MYBPC1: variants seen among roughly 807,000 people sequenced by gnomAD.
The protein encoded by MYBPC1 is myosin-binding protein C, slow-type.
A neutral mutation model predicts 147.1 loss-of-function variants in MYBPC1; 52 were observed. That is an observed-to-expected ratio of 0.35 (90% CI 0.28 to 0.45). MYBPC1 has a LOEUF of 0.45. Ranked by LOEUF, MYBPC1 falls within the 20% of genes least tolerant of loss-of-function variation. MYBPC1 has a pLI of 1.00. For missense variants in MYBPC1, 1,228 were observed against 1,440.3 expected, an observed-to-expected ratio of 0.85 and a Z score of 2.39; for synonymous variants, 477 against 475.9, an observed-to-expected ratio of 1.00 and a Z score of -0.03.
At chr12:101,661,360 G>A (rs773237043) in intron 20 of MYBPC1, 98 bp downstream of exon 20, 1 of 779,102 alleles carries the variant, frequency 1.3e-6, no homozygotes, top group South Asian at 1.5e-5. Flanking sequence ...GCATTTAGAA[G>A]AAAACCTATT....
At chr12:101,604,855 C>A (rs1270294177) in intron 1 of MYBPC1, among the ~76,000 whole-genome samples, 1 of 152,186 alleles carries the variant, frequency 6.6e-6, no homozygotes, top group Non-Finnish European at 1.5e-5. Flanking sequence ...ATTATAGACG[C>A]CATTCCAGGT....
chr12:101,599,754 T>C (rs1000670941), intron 1 of MYBPC1, among the ~76,000 whole-genome samples: 3 of 152,204 alleles, frequency 2.0e-5, no homozygotes, highest in Non-Finnish European at 4.4e-5. Flanking sequence ...AAATGGTTCA[T>C]CGAGGCCAAG....
At chr12:101,653,301 C>G in intron 18 of MYBPC1, 53 bp downstream of exon 18, 1 of 1,601,436 alleles carries the variant, frequency 6.2e-7, no homozygotes, top group East Asian at 2.2e-5. Context: ...TGCAGACACA[C>G]TGCCTACCCC....
chr12:101,624,645 T>G (rs1362120208), intron 3 of MYBPC1, among the ~76,000 whole-genome samples: 1 of 149,846 alleles, frequency 6.7e-6, no homozygotes, highest in African/African-American at 2.5e-5. Context: ...CACTACCAAG[T>G]GCTCAGTGTG....
intron 10 of MYBPC1, among the ~76,000 whole-genome samples, chr12:101,637,345 C>T (rs1891202948): frequency 6.6e-6 from 1 of 151,524 alleles, no homozygotes; most frequent in African/African-American, 2.4e-5. Flanking sequence ...TTGTTCTCTC[C>T]TGCAATAAAA....
chr12:101,618,857 G>C (rs1158878727), intron 3 of MYBPC1, among the ~76,000 whole-genome samples: 1 of 82,920 alleles, frequency 1.2e-5, no homozygotes, highest in Admixed American at 1.1e-4. Context: ...AAACTGCCGT[G>C]TGTGTGTGTG....
intron 3 of MYBPC1, among the ~76,000 whole-genome samples, chr12:101,621,848 T>C (rs1887480730): frequency 1.3e-5 from 2 of 152,202 alleles, no homozygotes; most frequent in Admixed American, 1.3e-4. Flanking sequence ...ACGAAGTATT[T>C]ATGTGTACTC....
rs932465047 is a variant in MYBPC1 at position 101,636,809 on chromosome 12, G to A, written c.665+81G>A. On this transcript the variant is annotated intron_variant, in intron 10 of 31. Transcript: ENST00000361466. ...ACTCAGAGAAGTCAAGTTTAAAGTG[G>A]ATGTTCTTCAGAGAATTTTTCATTT... The A allele has an allele frequency of 9.5e-6, 11 of 1,161,034 alleles. No homozygotes were observed. The East Asian group carries it at 1.9e-4, about 20-fold the overall frequency. 71.9% of individuals were successfully genotyped at this position (1,161,034 alleles called of 1,614,324 possible).
At chr12:101,679,844 G>A (rs1287365456) in intron 28 of MYBPC1, among the ~76,000 whole-genome samples, 1 of 152,162 alleles carries the variant, frequency 6.6e-6, no homozygotes, top group East Asian at 1.9e-4. Context: ...TCTCTACAAT[G>A]AGTTAACAAC....
chr12:101,652,607 T>A, intron 16 of MYBPC1, 71 bp from the exon 17 acceptor site: 8 of 1,049,642 alleles, frequency 7.6e-6, no homozygotes, highest in Non-Finnish European at 1.2e-5. Flanking sequence ...AGGTCAAGTG[T>A]CTTTTCAGCT....
At chr12:101,605,651 A>C (rs950812484) in intron 1 of MYBPC1, among the ~76,000 whole-genome samples, 1 of 152,210 alleles carries the variant, frequency 6.6e-6, no homozygotes, top group African/African-American at 2.4e-5. Flanking sequence ...ACCTGAGGTC[A>C]GGAGTTTGAG....
chr12:101,664,741 A>C (rs910871557), intron 22 of MYBPC1: 9 of 152,216 alleles, frequency 5.9e-5, no homozygotes, highest in Non-Finnish European at 1.2e-4. Flanking sequence ...CCACACACAG[A>C]GTCCTATAAT....
At position 101,651,016 on chromosome 12, in the gene MYBPC1, G is replaced by A. The variant is rs1894329971; in HGVS notation, c.1364-215G>A. ...ATTCCTTGCTGGGTCATTTCAGCTG[G>A]ATGCAATTTTCTGCATTCACCTAGT... is the stretch of plus-strand genomic sequence containing the variant. On this transcript the variant is annotated intron_variant, in intron 15 of 31. Coordinates refer to ENST00000361466, the MANE Select transcript of MYBPC1 (RefSeq NM_002465.4). 3 of 570,612 alleles carry A rather than the reference G, an allele frequency of 5.3e-6. No individual in the cohort carries two copies. The Admixed American group carries it at 8.7e-5, about 17-fold the overall frequency. 35.3% of individuals were successfully genotyped at this position (570,612 alleles called of 1,614,324 possible).
intron 20 of MYBPC1, 72 bp downstream of exon 20, chr12:101,661,334 C>T: frequency 1.0e-6 from 1 of 961,394 alleles, no homozygotes; most frequent in South Asian, 1.4e-5. Flanking sequence ...TAGTACAGAG[C>T]ACATTTTAAA....
At position 101,614,323 on chromosome 12, in the gene MYBPC1, T is replaced by TGA. The variant is rs1288757474; in HGVS notation, c.26-172_26-171insAG. On this transcript the variant is annotated intron_variant, in intron 1 of 31. Coordinates refer to ENST00000361466, the MANE Select transcript of MYBPC1 (RefSeq NM_002465.4). ...TGATGCAGTAGGGTGTGTGTGTGTG[T>TGA]GTGAGAGAGAGAGAGAGAGAGAGAA... Among the ~76,000 whole-genome samples the TGA allele has an allele frequency of 3.3e-3, 506 of 151,592 alleles. 2 individuals carry two copies. The highest frequency in any genetic ancestry group is 0.01 in the African/African-American group (417 of 41,232).
intron 24 of MYBPC1, among the ~76,000 whole-genome samples, chr12:101,672,006 C>A (rs886739677): frequency 6.6e-6 from 1 of 152,110 alleles, no homozygotes; most frequent in East Asian, 1.9e-4. Context: ...AGTGACTTGC[C>A]CAATGTCACA....
intron 18 of MYBPC1, among the ~76,000 whole-genome samples, chr12:101,659,206 T>A (rs566854762): frequency 3.0e-4 from 46 of 152,348 alleles, no homozygotes; most frequent in African/African-American, 1.1e-3. Flanking sequence ...TTTTAAAATT[T>A]TCCAAACATC....
chr12:101,681,203 A>T (rs1242467948), intron 29 of MYBPC1, among the ~76,000 whole-genome samples: 1 of 152,016 alleles, frequency 6.6e-6, no homozygotes, highest in Non-Finnish European at 1.5e-5. Flanking sequence ...ATCTTAATCA[A>T]TTTTCAAATT....
At chr12:101,677,174 G>C (rs551262374) in intron 26 of MYBPC1, 61 bp from the exon 27 acceptor site, 1 of 1,534,396 alleles carries the variant, frequency 6.5e-7, no homozygotes, top group South Asian at 1.1e-5. Context: ...CCAATCTACA[G>C]TTAGAAAAAT....
Sources: allele counts gnomAD v4.1 joint callset (sites outside exome capture counted in the v4.1 genomes callset), GRCh38; gene constraint gnomAD v4.1.1; transcripts MANE v1.5; gene names NCBI Gene and HGNC (gene_info 2026-07-23, HGNC 2026-07-21).